The following CCDC138 variants were observed in gnomAD, a reference collection of about 807,000 sequenced individuals.
The protein encoded by CCDC138 is coiled-coil domain-containing protein 138.
A neutral mutation model predicts 82.3 loss-of-function variants in CCDC138; 66 were observed. The observed-to-expected ratio is 0.80, with a 90% CI of 0.66 to 0.98. The LOEUF (loss-of-function observed/expected upper bound fraction) is 0.98, where lower values mean the gene tolerates loss of function less well. Ranked by LOEUF, CCDC138 falls within the 50% of genes least tolerant of loss-of-function variation. The probability of loss-of-function intolerance (pLI) is 0.00; values close to 1 mark genes in which losing one functional copy is unlikely to be tolerated. For synonymous variants in CCDC138, 297 were observed against 265.4 expected (o/e 1.12, Z -1.16); for missense variants, 816 against 758.9 (o/e 1.08, Z -0.88).
At chr2:108,875,025 A>T (rs1020998885) in intron 14 of CCDC138, among the ~76,000 whole-genome samples, 1 of 151,680 alleles carries the variant, frequency 6.6e-6, no homozygotes, top group Non-Finnish European at 1.5e-5. Flanking sequence ...TTAGACTTAG[A>T]TAAAAAAACA....
At chr2:108,854,954 C>T (rs1418074320) in intron 12 of CCDC138, among the ~76,000 whole-genome samples, 2 of 152,024 alleles carry the variant, frequency 1.3e-5, no homozygotes, top group Non-Finnish European at 2.9e-5. Context: ...AATGGAAAAC[C>T]ATATTTCATA....
At chr2:108,791,162 C>G (rs1379619091) in intron 3 of CCDC138, among the ~76,000 whole-genome samples, 1 of 151,986 alleles carries the variant, frequency 6.6e-6, no homozygotes, top group Non-Finnish European at 1.5e-5. Flanking sequence ...TAACGTGCTA[C>G]TAGAAAATTT....
intron 10 of CCDC138, among the ~76,000 whole-genome samples, chr2:108,828,505 G>A (rs559191627): frequency 1.3e-5 from 2 of 152,300 alleles, no homozygotes; most frequent in South Asian, 4.1e-4. Context: ...CATAAGACAT[G>A]TAGACCAATG....
intron 6 of CCDC138, among the ~76,000 whole-genome samples, chr2:108,799,995 T>G (rs1194992145): frequency 6.6e-6 from 1 of 152,226 alleles, no homozygotes; most frequent in East Asian, 1.9e-4. Context: ...ATTTCTGTCT[T>G]TATATTTACA....
intron 7 of CCDC138, among the ~76,000 whole-genome samples, chr2:108,806,624 A>G (rs1184501719): frequency 6.6e-6 from 1 of 152,212 alleles, no homozygotes; most frequent in Non-Finnish European, 1.5e-5. Context: ...GCCATAGGCA[A>G]TAAGTAACGA....
intron 10 of CCDC138, among the ~76,000 whole-genome samples, chr2:108,830,881 C>T (rs1040080428): frequency 2.0e-5 from 3 of 148,940 alleles, no homozygotes; most frequent in African/African-American, 7.4e-5. Flanking sequence ...GACATTTTGG[C>T]CAGGACAACT....
At chr2:108,854,029 TTATATATAATATATAATAAATTTATATTA>T (rs1246799538) in intron 12 of CCDC138, among the ~76,000 whole-genome samples, 3,280 of 112,122 alleles carry the variant, frequency 0.029, 160 homozygotes, top group African/African-American at 0.1. Flanking sequence ...TAAATTTATA[TTATATATAATATATAATAAATTTATATTA>T]TATATATTTT....
intron 10 of CCDC138, among the ~76,000 whole-genome samples, chr2:108,826,267 G>C (rs1686578960): frequency 6.6e-6 from 1 of 152,094 alleles, no homozygotes; most frequent in Admixed American, 6.5e-5. Context: ...TTTTTATAAA[G>C]TCCAATTTAT....
intron 7 of CCDC138, among the ~76,000 whole-genome samples, chr2:108,810,332 T>A (rs1344177074): frequency 6.6e-6 from 1 of 152,236 alleles, no homozygotes; most frequent in African/African-American, 2.4e-5. Flanking sequence ...TACCTAATTT[T>A]TTGAGAGTTT....
intron 10 of CCDC138, among the ~76,000 whole-genome samples, chr2:108,827,722 A>G (rs1008967760): frequency 2.0e-5 from 3 of 151,954 alleles, no homozygotes; most frequent in Admixed American, 1.3e-4. Context: ...AGGCTGAGGC[A>G]GGAGAATGGC....
chr2:108,798,477 A>G lies in CCDC138; in HGVS notation c.626A>G (p.Glu209Gly). The change falls in exon 6 of 15, where the codon GAA becomes GGA. Residue 209 changes from glutamate (E) to glycine (G), a missense_variant. Glu to Gly is a moderately conservative substitution (Grantham distance 98, BLOSUM62 -2). Coordinates refer to ENST00000295124, the MANE Select transcript of CCDC138 (RefSeq NM_144978.3). ...TTTGCTGAAGAACTTCAAAAGCGAG[A>G]ACGTTTTTTACTTGAAAGAGAACAA... is the stretch of plus-strand genomic sequence containing the variant. ...QKFAEELQKR[E>G]RFLLEREQLL... 1 of 1,613,932 alleles carries G rather than the reference A, an allele frequency of 6.2e-7. No homozygotes were observed. Among genetic ancestry groups the G allele is most frequent in the South Asian group, 1.1e-5 (1 of 91,044 alleles).
Position 108,856,951 on chromosome 2 carries a change from C to A in CCDC138, c.1674C>A (p.Leu558=). The part of the protein sequence containing the change: ...GLLSNVIDSL[L]QMTVESKSLQ... The stretch of plus-strand genomic sequence containing the variant: ...TGTCTAATGTTATTGATAGTTTGCT[C>A]CAGATGACGGTGGAATCTAGTAAGT... The change falls in exon 13 of 15, where the codon CTC becomes CTA. Residue 558 remains leucine (L), a synonymous_variant. Coordinates refer to ENST00000295124, the MANE Select transcript of CCDC138 (RefSeq NM_144978.3). The A allele has an allele frequency of 1.2e-6, 2 of 1,601,200 alleles. No individual in the cohort carries two copies. The highest frequency in any genetic ancestry group is 1.7e-6 in the Non-Finnish European group (2 of 1,174,930).
chr2:108,810,486 G>A (rs1320406141), intron 7 of CCDC138, among the ~76,000 whole-genome samples: 1 of 152,080 alleles, frequency 6.6e-6, no homozygotes, highest in African/African-American at 2.4e-5. Context: ...GCATATTTGA[G>A]CCTTCCTGTG....
At chr2:108,822,296 T>TA (rs779510329) in intron 10 of CCDC138, among the ~76,000 whole-genome samples, 1 of 152,192 alleles carries the variant, frequency 6.6e-6, no homozygotes, top group Non-Finnish European at 1.5e-5. Context: ...ATCAGACTTC[T>TA]AAAATATTAT....
intron 12 of CCDC138, among the ~76,000 whole-genome samples, chr2:108,847,635 A>G (rs1215973812): frequency 7.2e-5 from 11 of 152,188 alleles, no homozygotes; most frequent in Non-Finnish European, 1.5e-4. Context: ...AAATGTGATA[A>G]TTTTTGTTAA....
intron 10 of CCDC138, among the ~76,000 whole-genome samples, chr2:108,836,196 T>C (rs1389507606): frequency 3.9e-5 from 6 of 152,168 alleles, no homozygotes; most frequent in Non-Finnish European, 2.9e-5. Context: ...ATGACCACCA[T>C]TCAATTTTCT....
At position 108,856,885 on chromosome 2, in the gene CCDC138, A is replaced by T. The variant is rs758308569; in HGVS notation, c.1608A>T (p.Pro536=). ...KTLFLEYQAV[P]VILSHLRISS... is the part of the protein sequence containing the mutation. ...TGTTTTTGGAGTATCAGGCTGTTCC[A>T]GTAATATTAAGTCATCTAAGAATAT... The change falls in exon 13 of 15, where the codon CCA becomes CCT. Residue 536 remains proline (P), a synonymous_variant. Transcript: ENST00000295124. 1.2e-6 allele frequency: 2 copies of T among 1,613,248 alleles called. No homozygotes were observed. The highest frequency in any genetic ancestry group is 2.2e-5 in the South Asian group (2 of 91,026).
At chr2:108,841,843 T>C (rs1459032396) in intron 11 of CCDC138, among the ~76,000 whole-genome samples, 1 of 152,170 alleles carries the variant, frequency 6.6e-6, no homozygotes, top group Non-Finnish European at 1.5e-5. Context: ...TGCTTTCTTA[T>C]GGGTTACTTG....
At chr2:108,813,993 T>G (rs550197251) in intron 9 of CCDC138, among the ~76,000 whole-genome samples, 1 of 152,324 alleles carries the variant, frequency 6.6e-6, no homozygotes, top group South Asian at 2.1e-4. Context: ...ATTCTTCTGT[T>G]GATAGACACC....
Sources: allele counts gnomAD v4.1 joint callset (sites outside exome capture counted in the v4.1 genomes callset), GRCh38; gene constraint gnomAD v4.1.1; transcripts MANE v1.5; gene names NCBI Gene and HGNC (gene_info 2026-07-23, HGNC 2026-07-21).